ANAPC5: variants seen among roughly 807,000 people sequenced by gnomAD.
The protein encoded by ANAPC5 is anaphase-promoting complex subunit 5.
ANAPC5 carries 60 observed loss-of-function variants against 91.3 expected under a neutral mutation model. The observed-to-expected ratio is 0.66, with a 90% CI of 0.53 to 0.81. The LOEUF (loss-of-function observed/expected upper bound fraction) is 0.81. Ranked by LOEUF, ANAPC5 falls within the 40% of genes least tolerant of loss-of-function variation. ANAPC5 has a pLI of 0.00. For synonymous variants in ANAPC5, 340 were observed against 364.1 expected, an observed-to-expected ratio of 0.93 and a Z score of 0.75; for missense variants, 690 against 931.5, an observed-to-expected ratio of 0.74 and a Z score of 3.37.
intron 1 of ANAPC5, among the ~76,000 whole-genome samples, chr12:121,350,900 T>C (rs1219957372): frequency 2.6e-5 from 4 of 152,042 alleles, no homozygotes; most frequent in African/African-American, 7.2e-5. Context: ...ACAACTGATA[T>C]AGGGGAAGGT....
intron 6 of ANAPC5, among the ~76,000 whole-genome samples, chr12:121,336,788 A>G (rs1903253210): frequency 6.6e-6 from 1 of 152,244 alleles, no homozygotes; most frequent in Admixed American, 6.5e-5. Context: ...ATCAAGAGTA[A>G]GAAGAAATCG....
chr12:121,316,751 A>G lies in ANAPC5; in HGVS notation c.1893+1526T>C, dbSNP rs1027582126. Among the ~76,000 whole-genome samples, 322 of 150,942 alleles carry G rather than the reference A, an allele frequency of 2.1e-3. 1 individual carries two copies. Among genetic ancestry groups the G allele is most frequent in the Non-Finnish European group, 3.9e-3 (264 of 67,636 alleles). On this transcript the variant is annotated intron_variant, in intron 15 of 16. Transcript: ENST00000261819. ...CTGTCTCAAAAAAAAAAAAAAAAAA[A>G]AAAAAAGAAAACAGGTGTTCAAACA...
chr12:121,341,414 G>A (rs1032826671), intron 5 of ANAPC5, among the ~76,000 whole-genome samples: 8 of 152,078 alleles, frequency 5.3e-5, no homozygotes, highest in African/African-American at 1.9e-4. Flanking sequence ...AGGTAGCAGG[G>A]ACCCGAGATC....
Position 121,330,564 on chromosome 12 carries a change from A to G in ANAPC5, c.1122+19T>C. The G allele has an allele frequency of 6.2e-7, 1 of 1,605,092 alleles. No homozygotes were observed. The highest frequency in any genetic ancestry group is 8.5e-7 in the Non-Finnish European group (1 of 1,174,016). ...CTCGACCATTTATGGAAACAATCTC[A>G]CAGAAAGATGAGCCTTACCGGTAAC... On this transcript the variant is annotated intron_variant, in intron 9 of 16. Coordinates refer to ENST00000261819, the MANE Select transcript of ANAPC5 (RefSeq NM_016237.5).
chr12:121,319,606 A>T (rs1902515449), intron 13 of ANAPC5, 91 bp downstream of exon 13: 8 of 1,343,066 alleles, frequency 6.0e-6, no homozygotes, highest in Admixed American at 5.7e-5. Flanking sequence ...GTTTTTTTCT[A>T]AGCTAAAATA....
At position 121,316,732 on chromosome 12, in the gene ANAPC5, C is replaced by CAAAAAA. The variant is rs35989752; in HGVS notation, c.1893+1539_1893+1544dup. ...TGGGTGACAGAGCGAGACTCTGTCT[C>CAAAAAA]AAAAAAAAAAAAAAAAAAAAAAAAA... On this transcript the variant is annotated intron_variant, in intron 15 of 16. Coordinates refer to ENST00000261819, the MANE Select transcript of ANAPC5 (RefSeq NM_016237.5). Among the ~76,000 whole-genome samples, 129 of 28,920 alleles carry CAAAAAA rather than the reference C, an allele frequency of 4.5e-3. 1 individual carries two copies. Among genetic ancestry groups the CAAAAAA allele is most frequent in the Non-Finnish European group, 6.6e-3 (96 of 14,462 alleles). 19.0% of individuals were successfully genotyped at this position (28,920 alleles called of 152,430 possible).
At chr12:121,353,597 C>T (rs1254936666), upstream of ANAPC5, among the ~76,000 whole-genome samples, 2 of 152,038 alleles carry the variant, frequency 1.3e-5, no homozygotes, top group African/African-American at 4.8e-5. Context: ...TCGGCCACCA[C>T]GCCCGGCTAA....
chr12:121,335,496 C>T (rs1555273342), intron 7 of ANAPC5, 37 bp downstream of exon 7: 2 of 1,550,886 alleles, frequency 1.3e-6, no homozygotes, highest in South Asian at 2.4e-5. Context: ...TCATCGGTTC[C>T]TTCAATTTGC....
intron 15 of ANAPC5, among the ~76,000 whole-genome samples, chr12:121,312,692 G>A (rs1252474239): frequency 1.5e-5 from 2 of 137,014 alleles, no homozygotes; most frequent in African/African-American, 2.9e-5. Context: ...AGGCGACAGA[G>A]CGAGACTCTG....
rs1011994525 is a variant in ANAPC5, at chr12:121,320,735, T to G, written c.1441-276A>C. 7 of 235,166 alleles carry G rather than the reference T, an allele frequency of 3.0e-5. No individual in the cohort carries two copies. The East Asian group carries it at 4.8e-4, about 16-fold the overall frequency. The allele number at this position is 235,166 out of a possible 1,614,324, so 14.6% of individuals were successfully genotyped here. ...CTCCTGCCTCAGCCTCCTGAGTAGC[T>G]GGGACCACAGGTGCCTGCCACCATG... On this transcript the variant is annotated intron_variant, in intron 11 of 16. Transcript: ENST00000261819.
At chr12:121,351,271 G>A (rs1903881598) in intron 1 of ANAPC5, 1 of 321,394 alleles carries the variant, frequency 3.1e-6, no homozygotes, top group Non-Finnish European at 6.1e-6. Context: ...TACTTGGGAG[G>A]CTGAGGTGGG....
intron 15 of ANAPC5, among the ~76,000 whole-genome samples, chr12:121,314,038 A>G (rs1902261916): frequency 6.6e-6 from 1 of 152,184 alleles, no homozygotes; most frequent in Non-Finnish European, 1.5e-5. Context: ...AGGAACATAC[A>G]CTATGACCAT....
At chr12:121,335,768 T>C in intron 6 of ANAPC5, 45 bp from the exon 7 acceptor site, 1 of 1,523,150 alleles carries the variant, frequency 6.6e-7, no homozygotes, top group Non-Finnish European at 9.0e-7. Context: ...TGTAAATATC[T>C]CTGGTGTAAG....
At chr12:121,319,407 T>A (rs189571110) in intron 13 of ANAPC5, among the ~76,000 whole-genome samples, 10 of 151,936 alleles carry the variant, frequency 6.6e-5, no homozygotes, top group Admixed American at 6.6e-4. Context: ...TAATTTTTTG[T>A]ACTTTTAGTA....
intron 12 of ANAPC5, 111 bp from the exon 13 acceptor site, chr12:121,319,929 T>A: frequency 9.1e-7 from 1 of 1,095,792 alleles, no homozygotes; most frequent in South Asian, 1.8e-5. Context: ...AATTCACACA[T>A]ATTCTTTTTT....
At chr12:121,330,926 A>G in intron 8 of ANAPC5, 1 of 460,118 alleles carries the variant, frequency 2.2e-6, no homozygotes, top group Non-Finnish European at 3.9e-6. Flanking sequence ...GAAAAAAAGC[A>G]TGAAGCTCCC....
intron 11 of ANAPC5, 36 bp downstream of exon 11, chr12:121,327,060 T>C: frequency 6.4e-7 from 1 of 1,562,548 alleles, no homozygotes; most frequent in Non-Finnish European, 8.6e-7. Context: ...GAGCCTCCAT[T>C]GCTCCAGAAG....
rs1555274620 is a variant in ANAPC5 at position 121,345,892 on chromosome 12, A to T, written c.537T>A (p.Ser179Arg). The T allele has an allele frequency of 1.2e-6, 2 of 1,614,066 alleles. No homozygotes were observed. Among genetic ancestry groups the T allele is most frequent in the Non-Finnish European group, 1.7e-6 (2 of 1,180,004 alleles). The change falls in exon 4 of 17, where the codon AGT (serine) becomes AGA (arginine). Residue 179 changes from serine to arginine, a missense_variant. Physicochemically the swap from Ser to Arg is moderately radical, Grantham distance 110. Coordinates refer to ENST00000261819, the MANE Select transcript of ANAPC5 (RefSeq NM_016237.5). Reference protein sequence around the residue: ...TVEDADMELTSRDEGERKMEK... With the variant: ...TVEDADMELTRRDEGERKMEK... ...CCATTTTTCTTTCACCCTCATCTCTACTGGTCAGTTCCATATCAGCATCCT... is the reference window on the plus strand; with the variant it reads ...CCATTTTTCTTTCACCCTCATCTCTTCTGGTCAGTTCCATATCAGCATCCT...
At position 121,318,518 on chromosome 12, in the gene ANAPC5, G is replaced by A. The variant is rs763397997; in HGVS notation, c.1728C>T (p.Asn576=). The change falls in exon 14 of 17, where the codon AAC becomes AAT. Residue 576 remains asparagine (N), a synonymous_variant. Transcript: ENST00000261819. ...KLLVHCQKLK[N]TEMVISVLLS... is the part of the protein sequence containing the mutation. ...CCCCTTACCTGATCACCATTTCTGTGTTCTTCAGTTTCTGACAATGAACCA... is the reference window on the plus strand; with the variant it reads ...CCCCTTACCTGATCACCATTTCTGTATTCTTCAGTTTCTGACAATGAACCA... 6.2e-6 allele frequency: 10 copies of A among 1,614,046 alleles called. No individual in the cohort carries two copies. In the Admixed American group the frequency reaches 1.5e-4, roughly 24 times the overall value.
Sources: gnomAD v4.1 joint callset for allele counts (sites outside exome capture counted in the v4.1 genomes callset) on GRCh38, gnomAD v4.1.1 for gene constraint, MANE v1.5 for transcripts, NCBI Gene and HGNC (gene_info 2026-07-23, HGNC 2026-07-21) for gene names.